Variants in SGCZ observed in about 807,000 individuals in gnomAD.
The protein encoded by SGCZ is zeta-sarcoglycan.
In SGCZ, 40 loss-of-function variants were observed where a neutral mutation model predicts 41.3. That is an observed-to-expected ratio of 0.97 (90% CI 0.75 to 1.26). The LOEUF is 1.26. SGCZ is among the 50% of genes most tolerant of loss of function. The pLI is 0.00. For missense variants in SGCZ, 552 were observed against 369.8 expected, an observed-to-expected ratio of 1.49 and a Z score of -4.04; for synonymous variants, 206 against 137.5, an observed-to-expected ratio of 1.50 and a Z score of -3.49.
chr8:14,941,372 A>T (rs1294030643), intron 1 of SGCZ, among the ~76,000 whole-genome samples: 1 of 152,156 alleles, frequency 6.6e-6, no homozygotes, highest in Non-Finnish European at 1.5e-5. Flanking sequence ...CAAGGAAAGC[A>T]AACGGGTATA....
chr8:15,032,694 G>C (rs1242556285), intron 1 of SGCZ, among the ~76,000 whole-genome samples: 1 of 152,054 alleles, frequency 6.6e-6, no homozygotes, highest in Non-Finnish European at 1.5e-5. Flanking sequence ...AGCCCCCAGA[G>C]ATTCAGATGC....
chr8:14,243,275 G>A (rs571563917), intron 3 of SGCZ, among the ~76,000 whole-genome samples: 1 of 152,102 alleles, frequency 6.6e-6, no homozygotes, highest in African/African-American at 2.4e-5. Context: ...TGGAAATATA[G>A]AATTTGCCAA....
At chr8:14,467,888 A>C (rs1367686829) in intron 2 of SGCZ, among the ~76,000 whole-genome samples, 1 of 152,112 alleles carries the variant, frequency 6.6e-6, no homozygotes, top group Non-Finnish European at 1.5e-5. Flanking sequence ...AACTGCACAC[A>C]TGCTAAAGAT....
chr8:14,372,827 G>A (rs565414265), intron 2 of SGCZ, among the ~76,000 whole-genome samples: 119 of 152,214 alleles, frequency 7.8e-4, no homozygotes, highest in Non-Finnish European at 1.3e-3. Flanking sequence ...AATGAGACCC[G>A]TGAGGTGATG....
chr8:14,420,728 T>G (rs1239018606), intron 2 of SGCZ, among the ~76,000 whole-genome samples: 1 of 152,096 alleles, frequency 6.6e-6, no homozygotes, highest in East Asian at 1.9e-4. Context: ...AGTGCAAACT[T>G]CCTCCCAGGT....
intron 1 of SGCZ, among the ~76,000 whole-genome samples, chr8:15,108,692 T>C (rs1204593523): frequency 6.6e-6 from 1 of 152,168 alleles, no homozygotes; most frequent in Non-Finnish European, 1.5e-5. Flanking sequence ...TCCACAGTGT[T>C]CACTCTATAT....
intron 3 of SGCZ, among the ~76,000 whole-genome samples, chr8:14,296,929 C>CT (rs35199013): frequency 7.9e-5 from 12 of 151,230 alleles, no homozygotes; most frequent in South Asian, 2.1e-4. Flanking sequence ...AATAATTTTT[C>CT]TTTTTTTTTG....
intron 4 of SGCZ, among the ~76,000 whole-genome samples, chr8:14,226,261 G>C (rs1407171088): frequency 1.3e-5 from 2 of 152,058 alleles, no homozygotes; most frequent in African/African-American, 4.8e-5. Flanking sequence ...AGTTACTATA[G>C]AGTCAATTTT....
At chr8:14,732,073 T>A (rs919021047) in intron 1 of SGCZ, among the ~76,000 whole-genome samples, 1 of 152,230 alleles carries the variant, frequency 6.6e-6, no homozygotes, top group African/African-American at 2.4e-5. Context: ...AGAAATAATA[T>A]TGCTTCTGAA....
chr8:14,539,461 C>T (rs938771016), intron 2 of SGCZ, among the ~76,000 whole-genome samples: 20 of 151,854 alleles, frequency 1.3e-4, no homozygotes, highest in African/African-American at 4.8e-4. Context: ...GGGCAACTTC[C>T]AAACAAGAGG....
At chr8:14,646,499 T>A (rs1010774361) in intron 1 of SGCZ, among the ~76,000 whole-genome samples, 1 of 151,886 alleles carries the variant, frequency 6.6e-6, no homozygotes, top group Non-Finnish European at 1.5e-5. Flanking sequence ...TTCCTTCTCA[T>A]GAATAGCGCT....
chr8:14,893,872 A>G (rs1457792730), intron 1 of SGCZ, among the ~76,000 whole-genome samples: 1 of 152,218 alleles, frequency 6.6e-6, no homozygotes, highest in Non-Finnish European at 1.5e-5. Flanking sequence ...TCAAAAGTCT[A>G]AAGTACTAAC....
intron 1 of SGCZ, among the ~76,000 whole-genome samples, chr8:14,946,674 TA>T (rs1464214223): frequency 4.7e-5 from 5 of 107,416 alleles, no homozygotes; most frequent in Middle Eastern, 5.0e-3. Flanking sequence ...TAGAAATCTG[TA>T]TTTTTTTTTT....
intron 1 of SGCZ, among the ~76,000 whole-genome samples, chr8:15,111,444 C>G (rs1398140608): frequency 6.6e-6 from 1 of 152,160 alleles, no homozygotes; most frequent in Non-Finnish European, 1.5e-5. Context: ...AGGACCAATT[C>G]ACTTGAGCCT....
At chr8:14,660,140 T>A (rs1420855343) in intron 1 of SGCZ, among the ~76,000 whole-genome samples, 1 of 152,090 alleles carries the variant, frequency 6.6e-6, no homozygotes, top group Non-Finnish European at 1.5e-5. Flanking sequence ...AAACGAAACA[T>A]GCAGTGTATT....
chr8:14,659,170 T>C (rs888720741), intron 1 of SGCZ, among the ~76,000 whole-genome samples: 2 of 152,170 alleles, frequency 1.3e-5, no homozygotes, highest in African/African-American at 4.8e-5. Flanking sequence ...CTAGTTTTGG[T>C]ATTCTGTTAC....
chr8:14,955,738 T>C (rs1800771198), intron 1 of SGCZ, among the ~76,000 whole-genome samples: 1 of 152,214 alleles, frequency 6.6e-6, no homozygotes, highest in Non-Finnish European at 1.5e-5. Context: ...TTCACAGAAG[T>C]TTTCTAAATA....
intron 1 of SGCZ, among the ~76,000 whole-genome samples, chr8:14,936,581 T>C (rs569712661): frequency 2.7e-4 from 41 of 152,018 alleles, no homozygotes; most frequent in Non-Finnish European, 5.5e-4. Context: ...GTAAGTTTCA[T>C]AAGTCAGGGA....
intron 1 of SGCZ, among the ~76,000 whole-genome samples, chr8:14,741,487 T>C (rs1021246055): frequency 2.0e-5 from 3 of 152,068 alleles, no homozygotes; most frequent in Non-Finnish European, 4.4e-5. Flanking sequence ...TTTTTCCAAG[T>C]AGTTTTAAGC....
Sources: gnomAD v4.1 joint callset for allele counts (sites outside exome capture counted in the v4.1 genomes callset) on GRCh38, gnomAD v4.1.1 for gene constraint, MANE v1.5 for transcripts, NCBI Gene and HGNC (gene_info 2026-07-23, HGNC 2026-07-21) for gene names.